DPEP3: variants seen among roughly 807,000 people sequenced by gnomAD.
DPEP3 encodes membrane-bound dipeptidase 3.
A neutral mutation model predicts 47.5 loss-of-function variants in DPEP3; 42 were observed. The observed-to-expected ratio is 0.88, with a 90% confidence interval of 0.69 to 1.14. DPEP3 has a LOEUF of 1.14. Ranked by LOEUF, DPEP3 falls within the 50% of genes most tolerant of loss-of-function variation. The pLI is 0.00. For synonymous variants in DPEP3, 276 were observed against 270.2 expected, an observed-to-expected ratio of 1.02 and a Z score of -0.21; for missense variants, 560 against 635.0, an observed-to-expected ratio of 0.88 and a Z score of 1.27.
At position 67,976,091 on chromosome 16, in the gene DPEP3, A is replaced by AC; in HGVS notation, c.1230+1dup. 6.2e-7 allele frequency: 1 copy of AC among 1,614,100 alleles called. No individual in the cohort carries two copies. Among genetic ancestry groups the AC allele is most frequent in the Non-Finnish European group, 8.5e-7 (1 of 1,179,998 alleles). ...ACCATCCTGTCCACCAGCCCAGCTT[A>AC]CCTTTTCCACTTGTCTGAAGACCCG... On this transcript the variant is annotated splice_donor_variant, in intron 9 of 9. Coordinates refer to ENST00000268793, the MANE Select transcript of DPEP3 (RefSeq NM_001370198.1). LOFTEE classifies it high-confidence loss of function.
rs367648030 is a variant in DPEP3, at chr16:67,976,779, G to C, written c.1019-4C>G. ...GCCCTGATGTGGTCAAAGTGATCTA[G>C]GGTGGAGGTGAGGGTGGGCAGCACT... is the stretch of plus-strand genomic sequence containing the variant. On this transcript the variant is annotated splice_region_variant and splice_polypyrimidine_tract_variant and intron_variant, in intron 7 of 9. Transcript: ENST00000268793. 6 of 1,613,718 alleles carry C rather than the reference G, an allele frequency of 3.7e-6. No homozygotes were observed. The highest frequency in any genetic ancestry group is 3.3e-5 in the Admixed American group (2 of 59,978).
In DPEP3 at chr16:67,979,647, C is replaced by T. The variant is rs368791692; in HGVS notation, c.406G>A (p.Gly136Ser). ...SLDRLRDGLV[G>S]AQFWSASVSC... Reference sequence around the variant, plus strand: ...GTGTGTCCCTGTGGTACCTGGGCACCCACGAGGCCGTCTCTAAGCCTGTCC... The same window carrying T: ...GTGTGTCCCTGTGGTACCTGGGCACTCACGAGGCCGTCTCTAAGCCTGTCC... Residue 136 changes from glycine to serine, a missense_variant, in exon 2 of 10, where the codon GGT (glycine) becomes AGT (serine). Coordinates refer to ENST00000268793, the MANE Select transcript of DPEP3 (RefSeq NM_001370198.1). The T allele has an allele frequency of 1.9e-5, 30 of 1,613,732 alleles. No individual in the cohort carries two copies. The East Asian group carries it at 4.0e-4, about 22-fold the overall frequency.
intron 2 of DPEP3, among the ~76,000 whole-genome samples, chr16:67,979,431 G>A (rs1220368923): frequency 2.4e-4 from 36 of 152,222 alleles, no homozygotes; most frequent in Admixed American, 2.4e-3. Flanking sequence ...GGATTTTCTG[G>A]TCATTTTCTG....
chr16:67,976,532 G>A (rs2031199125), intron 8 of DPEP3, among the ~76,000 whole-genome samples, 168 bp downstream of exon 8: 1 of 152,188 alleles, frequency 6.6e-6, no homozygotes, highest in African/African-American at 2.4e-5. Flanking sequence ...GCCACTGAAG[G>A]GACAGGGAGA....
intron 2 of DPEP3, among the ~76,000 whole-genome samples, chr16:67,979,402 C>T (rs572776829): frequency 6.6e-6 from 1 of 152,342 alleles, no homozygotes; most frequent in African/African-American, 2.4e-5. Flanking sequence ...GTGGTTACGG[C>T]AGACCCCACA....
At chr16:67,976,333 T>C in intron 8 of DPEP3, 105 bp from the exon 9 acceptor site, 1 of 1,485,254 alleles carries the variant, frequency 6.7e-7, no homozygotes, top group South Asian at 1.3e-5. Flanking sequence ...AAGGCCAAGT[T>C]CTTCAGGCTA....
In DPEP3 at chr16:67,980,231, G is replaced by C. The variant is rs762062642; in HGVS notation, c.150C>G (p.Gly50=). The C allele has an allele frequency of 6.2e-7, 1 of 1,608,542 alleles. No individual in the cohort carries two copies. Among genetic ancestry groups the C allele is most frequent in the Non-Finnish European group, 8.5e-7 (1 of 1,177,808 alleles). The change falls in exon 1 of 10, where the codon GGC becomes GGG. Residue 50 remains glycine, a synonymous_variant. Transcript: ENST00000268793. ...PGAPRALSTL[G]SPSLFTTPGV... ...CCGGCGTGGTGAAGAGGCTGGGGGA[G>C]CCCAGCGTGGAGAGGGCTCTGGGGG...
chr16:67,977,539 A>G, intron 6 of DPEP3, 114 bp downstream of exon 6: 2 of 1,383,314 alleles, frequency 1.4e-6, no homozygotes, highest in East Asian at 2.5e-5. Context: ...ATGGAGGAGG[A>G]TTAACCAGCC....
chr16:67,978,232 T>C lies in DPEP3; in HGVS notation c.686+35A>G, dbSNP rs1486195870. Reference sequence around the variant, plus strand: ...CAGGAATGGGGCAGTTTCCACACCATGCCATCTAGCATCCTGGCCAGGTGT... The same window carrying C: ...CAGGAATGGGGCAGTTTCCACACCACGCCATCTAGCATCCTGGCCAGGTGT... On this transcript the variant is annotated intron_variant, in intron 4 of 9. Coordinates refer to ENST00000268793, the MANE Select transcript of DPEP3 (RefSeq NM_001370198.1). The surrounding 1 kb of genome is among the most constrained non-coding windows in gnomAD (Gnocchi z 4.4). The C allele has an allele frequency of 2.5e-6, 4 of 1,613,434 alleles. No individual in the cohort carries two copies. Among genetic ancestry groups the C allele is most frequent in the Non-Finnish European group, 3.4e-6 (4 of 1,179,550 alleles).
chr16:67,977,429 T>C, intron 6 of DPEP3, 75 bp from the exon 7 acceptor site: 1 of 1,462,730 alleles, frequency 6.8e-7, no homozygotes, highest in Non-Finnish European at 9.4e-7. Context: ...GGGGCCCTGG[T>C]AGGACTGTGC....
At chr16:67,976,833 G>A in intron 7 of DPEP3, 58 bp from the exon 8 acceptor site, 1 of 1,464,678 alleles carries the variant, frequency 6.8e-7, no homozygotes, top group South Asian at 1.2e-5. Flanking sequence ...CACCAGCCCT[G>A]TCCCCAGCAC....
At position 67,978,016 on chromosome 16, in the gene DPEP3, C is replaced by A. The variant is rs1327667085; in HGVS notation, c.687-9G>T. 1.5e-5 allele frequency: 25 copies of A among 1,613,930 alleles called. No homozygotes were observed. The highest frequency in any genetic ancestry group is 1.9e-5 in the Non-Finnish European group (22 of 1,179,856). On this transcript the variant is annotated splice_polypyrimidine_tract_variant and intron_variant, in intron 4 of 9. Transcript: ENST00000268793. The surrounding 1 kb of genome is among the most constrained non-coding windows in gnomAD (Gnocchi z 4.4). Reference sequence around the variant, plus strand: ...TGGTGGAACTCTCTGCCCTGCAGGACAGCCATGGAAGGGCAATTTAGCTGA... The same window carrying A: ...TGGTGGAACTCTCTGCCCTGCAGGAAAGCCATGGAAGGGCAATTTAGCTGA...
chr16:67,979,806 C>T (rs1297445786), intron 1 of DPEP3, 41 bp from the exon 2 acceptor site: 1 of 1,610,646 alleles, frequency 6.2e-7, no homozygotes, highest in Non-Finnish European at 8.5e-7. Context: ...GCCTCCAGAT[C>T]AGTCAGGATA....
At chr16:67,977,431 G>A (rs2031221180) in intron 6 of DPEP3, 77 bp from the exon 7 acceptor site, 2 of 1,455,942 alleles carry the variant, frequency 1.4e-6, no homozygotes, top group Non-Finnish European at 1.9e-6. Context: ...GGCCCTGGTA[G>A]GACTGTGCTC....
intron 6 of DPEP3, 74 bp downstream of exon 6, chr16:67,977,579 T>G: frequency 6.6e-7 from 1 of 1,510,316 alleles, no homozygotes; most frequent in Non-Finnish European, 8.9e-7. Context: ...AAACCTGGGC[T>G]GGTGGCTTTG....
chr16:67,978,327 C>T lies in DPEP3; in HGVS notation c.626G>A (p.Arg209His), dbSNP rs776773340. ...HSLDSSLSVLRSFYVLGVRYL... is the reference protein window; with the variant it reads ...HSLDSSLSVLHSFYVLGVRYL... ...GCGCACCCCCAGCACATAGAAACTG[C>T]GCAGCACAGAGAGGCTGCTGTCCAG... The change falls in exon 4 of 10, where the codon CGC becomes CAC. Residue 209 changes from arginine to histidine, a missense_variant. Physicochemically the swap from Arg to His is conservative, Grantham distance 29. Coordinates refer to ENST00000268793, the MANE Select transcript of DPEP3 (RefSeq NM_001370198.1). The surrounding 1 kb of genome is among the most constrained non-coding windows in gnomAD (Gnocchi z 4.4). 4.3e-6 allele frequency: 7 copies of T among 1,614,158 alleles called. 1 individual carries two copies. The highest frequency in any genetic ancestry group is 1.7e-5 in the Admixed American group (1 of 60,020).
rs893482252 is a variant in DPEP3, at chr16:67,978,947, G to A, written c.415-321C>T. Reference sequence around the variant, plus strand: ...GTTGGCATTACAGATGTGAACTACCGAGCCTGGTTCCTTGATGACTGTTTG... The same window carrying A: ...GTTGGCATTACAGATGTGAACTACCAAGCCTGGTTCCTTGATGACTGTTTG... On this transcript the variant is annotated intron_variant, in intron 2 of 9. Coordinates refer to ENST00000268793, the MANE Select transcript of DPEP3 (RefSeq NM_001370198.1). The surrounding 1 kb of genome is among the most constrained non-coding windows in gnomAD (Gnocchi z 4.4). Among the ~76,000 whole-genome samples the A allele has an allele frequency of 1.3e-5, 2 of 151,952 alleles. No individual in the cohort carries two copies. Among genetic ancestry groups the A allele is most frequent in the Non-Finnish European group, 2.9e-5 (2 of 68,012 alleles).
intron 8 of DPEP3, 30 bp downstream of exon 8, chr16:67,976,670 G>A: frequency 6.2e-7 from 1 of 1,607,878 alleles, no homozygotes; most frequent in Non-Finnish European, 8.5e-7. Flanking sequence ...CTGCACCCCA[G>A]CCTAAGAGAA....
intron 7 of DPEP3, 29 bp downstream of exon 7, chr16:67,977,241 G>A (rs2031215249): frequency 2.5e-6 from 4 of 1,606,358 alleles, no homozygotes; most frequent in South Asian, 1.1e-5. Context: ...GCCCAAGCCA[G>A]CACTGCACAA....
Sources: gnomAD v4.1 joint callset for allele counts (sites outside exome capture counted in the v4.1 genomes callset) on GRCh38, gnomAD v4.1.1 for gene constraint, Gnocchi (gnomAD v3.1) non-coding constraint, MANE v1.5 for transcripts, NCBI Gene and HGNC (gene_info 2026-07-23, HGNC 2026-07-21) for gene names.